The following GAP43 variants were observed in gnomAD, a reference collection of about 807,000 sequenced individuals.
GAP43 encodes the protein neuromodulin.
Under a neutral mutation model 18.6 loss-of-function variants are expected in GAP43, and 6 were observed. The observed-to-expected ratio is 0.32, with a 90% CI of 0.18 to 0.64. GAP43 has a LOEUF of 0.64. GAP43 is among the 30% of genes least tolerant of loss of function. GAP43 has a pLI of 0.78. For missense variants in GAP43, 292 were observed against 295.5 expected, an observed-to-expected ratio of 0.99 and a Z score of 0.09; for synonymous variants, 115 against 111.4, an observed-to-expected ratio of 1.03 and a Z score of -0.20.
At chr3:115,654,801 G>A (rs1708561228) in intron 1 of GAP43, among the ~76,000 whole-genome samples, 1 of 152,076 alleles carries the variant, frequency 6.6e-6, no homozygotes, top group African/African-American at 2.4e-5. Context: ...TGGTTTCTTG[G>A]GGGAAAATAA....
At chr3:115,625,806 C>T (rs1037622628) in intron 1 of GAP43, among the ~76,000 whole-genome samples, 6 of 152,114 alleles carry the variant, frequency 3.9e-5, no homozygotes, top group South Asian at 4.1e-4. Flanking sequence ...TGTAGAAATT[C>T]GCATGTAAAT....
intron 2 of GAP43, among the ~76,000 whole-genome samples, chr3:115,697,232 TTTTTG>T (rs760781855): frequency 3.5e-4 from 53 of 152,082 alleles, no homozygotes; most frequent in Admixed American, 3.9e-4. Flanking sequence ...GACAGGGTAT[TTTTTG>T]TTTTATTATT....
intron 1 of GAP43, among the ~76,000 whole-genome samples, chr3:115,635,469 A>G (rs1019813253): frequency 1.3e-5 from 2 of 152,114 alleles, no homozygotes; most frequent in Non-Finnish European, 1.5e-5. Flanking sequence ...ACACCTCTTG[A>G]GTGAAACCAG....
chr3:115,654,640 C>A (rs1355976248), intron 1 of GAP43, among the ~76,000 whole-genome samples: 3 of 152,138 alleles, frequency 2.0e-5, no homozygotes, highest in Non-Finnish European at 4.4e-5. Flanking sequence ...TCTCCTCCAG[C>A]AAAAATTACT....
At chr3:115,698,134 ATATATAATATATAT>A (rs1201940115) in intron 2 of GAP43, among the ~76,000 whole-genome samples, 6 of 16,856 alleles carry the variant, frequency 3.6e-4, no homozygotes, top group South Asian at 2.1e-3. Context: ...TATATATAAT[ATATATAATATATAT>A]TATATATAAT....
At chr3:115,632,287 A>C (rs562498089) in intron 1 of GAP43, among the ~76,000 whole-genome samples, 1 of 152,174 alleles carries the variant, frequency 6.6e-6, no homozygotes, top group South Asian at 2.1e-4. Context: ...GCTGGTTGGG[A>C]GACTGAAAAT....
In GAP43 at chr3:115,633,195, AAGAG is replaced by A. The variant is rs1054350641; in HGVS notation, c.30+9482_30+9485del. 9.9e-5 allele frequency among the ~76,000 whole-genome samples: 15 copies of A among 152,100 alleles called. 2 individuals are homozygous for A. The highest frequency in any genetic ancestry group is 3.6e-4 in the African/African-American group (15 of 41,496). On this transcript the variant is annotated intron_variant, in intron 1 of 2. Transcript: ENST00000305124. ...TTCAAATTTTAAATGATGAGAGAGA[AAGAG>A]AGAGATAAGAGAGAGACAGACAAAG...
Position 115,710,202 on chromosome 3 carries a change from T to C in GAP43, c.629-10592T>C, listed in dbSNP as rs149065615. 2.6e-5 allele frequency among the ~76,000 whole-genome samples: 4 copies of C among 152,244 alleles called. No individual in the cohort carries two copies. The South Asian group carries it at 6.2e-4, about 24-fold the overall frequency. On this transcript the variant is annotated intron_variant, in intron 2 of 2. Transcript: ENST00000305124. ...TAGAAATTGAAAGTTTCCCAAAAGT[T>C]TGCTTTCTGGGAAATCACATTCTAA... is the stretch of plus-strand genomic sequence containing the variant.
intron 1 of GAP43, among the ~76,000 whole-genome samples, chr3:115,624,300 ATTTT>A (rs3086960): frequency 4.1e-4 from 62 of 149,520 alleles, no homozygotes; most frequent in Middle Eastern, 3.4e-3. Flanking sequence ...GATTTGATAG[ATTTT>A]TTTTTTTTTT....
At position 115,662,001 on chromosome 3, in the gene GAP43, C is replaced by T. The variant is rs530321636; in HGVS notation, c.31-14012C>T. On this transcript the variant is annotated intron_variant, in intron 1 of 2. Coordinates refer to ENST00000305124, the MANE Select transcript of GAP43 (RefSeq NM_002045.4). ...TCTAAAGTTTGTTTTTGGTGGGGGT[C>T]GGGGGGAAGGGGAAGGGCATATTGT... Among the ~76,000 whole-genome samples, 38 of 142,340 alleles carry T rather than the reference C, an allele frequency of 2.7e-4. 1 individual carries two copies. Among genetic ancestry groups the T allele is most frequent in the African/African-American group, 8.7e-4 (33 of 37,960 alleles). 93.4% of individuals were successfully genotyped at this position (142,340 alleles called of 152,430 possible).
chr3:115,646,959 G>C (rs1708465302), intron 1 of GAP43, among the ~76,000 whole-genome samples: 1 of 151,944 alleles, frequency 6.6e-6, no homozygotes, highest in Non-Finnish European at 1.5e-5. Context: ...TTGTGATGGG[G>C]GCAGAGGGAT....
intron 1 of GAP43, among the ~76,000 whole-genome samples, chr3:115,634,703 T>C (rs550041068): frequency 6.6e-6 from 1 of 152,134 alleles, no homozygotes; most frequent in African/African-American, 2.4e-5. Flanking sequence ...CTAGGAGGTA[T>C]AGGCTGCAGT....
At chr3:115,696,772 A>T (rs1709196982) in intron 2 of GAP43, among the ~76,000 whole-genome samples, 1 of 150,980 alleles carries the variant, frequency 6.6e-6, no homozygotes, top group South Asian at 2.1e-4. Context: ...TCATCCCAGC[A>T]TTTCCCCTTC....
At chr3:115,686,986 A>G (rs963028554) in intron 2 of GAP43, among the ~76,000 whole-genome samples, 1 of 152,194 alleles carries the variant, frequency 6.6e-6, no homozygotes, top group Non-Finnish European at 1.5e-5. Flanking sequence ...CATTTTCAAA[A>G]TTGTTAGCCT....
At chr3:115,720,684 C>T (rs576079586) in intron 2 of GAP43, 110 bp from the exon 3 acceptor site, 3 of 666,058 alleles carry the variant, frequency 4.5e-6, no homozygotes, top group South Asian at 1.9e-5. Context: ...TCTTAATGCT[C>T]TTATGAAATG....
At chr3:115,664,017 T>A in intron 1 of GAP43, 1 of 1,084,858 alleles carries the variant, frequency 9.2e-7, no homozygotes, top group Admixed American at 2.4e-5. Context: ...CTTAATTACT[T>A]AACTAATGTC....
At chr3:115,655,057 A>C (rs1206727705) in intron 1 of GAP43, among the ~76,000 whole-genome samples, 1 of 152,236 alleles carries the variant, frequency 6.6e-6, no homozygotes, top group Non-Finnish European at 1.5e-5. Context: ...ATCTTTGATT[A>C]TAAAGTTTTC....
At chr3:115,634,185 T>C (rs6781456) in intron 1 of GAP43, among the ~76,000 whole-genome samples, 41,838 of 151,980 alleles carry the variant, frequency 0.28, 5,777 homozygotes, top group East Asian at 0.34. Flanking sequence ...ATAAACAAAA[T>C]GATCTCCAAA....
At chr3:115,700,895 A>C (rs72943775) in intron 2 of GAP43, among the ~76,000 whole-genome samples, 5,736 of 152,226 alleles carry the variant, frequency 0.038, 332 homozygotes, top group African/African-American at 0.13. Context: ...CTCATTGAGA[A>C]ATTTATTACC....
Sources: allele counts gnomAD v4.1 joint callset (sites outside exome capture counted in the v4.1 genomes callset), GRCh38; gene constraint gnomAD v4.1.1; transcripts MANE v1.5; gene names NCBI Gene and HGNC (gene_info 2026-07-23, HGNC 2026-07-21).